Variants in SYN1 observed in about 807,000 individuals in gnomAD.
The protein encoded by SYN1 is synapsin-1.
SYN1 carries 8 observed loss-of-function variants against 44.6 expected under a neutral mutation model. The ratio of observed to expected loss-of-function variants is 0.18; its 90% CI spans 0.11 to 0.32. The LOEUF is 0.32. SYN1 is among the 10% of genes least tolerant of loss of function. The pLI is 1.00. For missense variants in SYN1, 451 were observed against 639.4 expected (o/e 0.71, Z 3.18); for synonymous variants, 275 against 280.1 (o/e 0.98, Z 0.18).
chrX:47,596,735 T>C lies in SYN1; in HGVS notation c.774+8243A>G, dbSNP rs764158960. Among the ~76,000 whole-genome samples, 3 of 111,862 alleles carry C rather than the reference T, an allele frequency of 2.7e-5. No individual in the cohort carries two copies. In the East Asian group the frequency reaches 8.4e-4, roughly 31 times the overall value. On this transcript the variant is annotated intron_variant, in intron 5 of 12. Transcript: ENST00000295987. ...AAAACAAAGCAATAAAAACAAATCC[T>C]GAGGAGGGGAGAGAACCTGATTCCC...
chrX:47,597,796 C>G (rs1342381052), intron 5 of SYN1, among the ~76,000 whole-genome samples: 1 of 111,756 alleles, frequency 8.9e-6, no homozygotes, highest in African/African-American at 3.3e-5. Context: ...AGAGAAGTAA[C>G]TCATCATATA....
chrX:47,581,690 G>A (rs184694054), intron 5 of SYN1, among the ~76,000 whole-genome samples: 6 of 111,983 alleles, frequency 5.4e-5, no homozygotes, highest in Admixed American at 1.9e-4. Context: ...AATAAGAACC[G>A]GTACCCATCT....
chrX:47,574,621 G>A lies in SYN1; in HGVS notation c.1394-31C>T, dbSNP rs1330489695. On this transcript the variant is annotated intron_variant, in intron 11 of 12. Coordinates refer to ENST00000295987, the MANE Select transcript of SYN1 (RefSeq NM_006950.3). ...GGACAGAGGGAGAGAAAGAGCACAC[G>A]TGAGAGTGAGCGGGTAAGAGATGGC... 3.6e-6 allele frequency: 4 copies of A among 1,116,764 alleles called. No individual in the cohort carries two copies. In the African/African-American group the frequency reaches 5.5e-5, roughly 15 times the overall value. The allele number at this position is 1,116,764 out of a possible 1,213,427, so 92.0% of individuals were successfully genotyped here. A position where few individuals can be genotyped will look rare whatever the true frequency, so the allele number is the denominator to read the frequency against.
At position 47,573,082 on chromosome X, in the gene SYN1, G is replaced by GCCCAGC. The variant is rs2057765115; in HGVS notation, c.1983-89_1983-84dup. ...GGAGAGAAACACAACGTTACCCCAGGCCCAGCCCCAGCCCTGCCCCTCTGA... is the reference window on the plus strand; with the variant it reads ...GGAGAGAAACACAACGTTACCCCAGGCCCAGCCCCAGCCCCAGCCCTGCCCCTCTGA... On this transcript the variant is annotated intron_variant, in intron 12 of 12. Transcript: ENST00000295987. The GCCCAGC allele has an allele frequency of 2.7e-6, 3 of 1,128,237 alleles. No individual in the cohort carries two copies. In the Admixed American group the frequency reaches 7.0e-5, roughly 26 times the overall value. The allele number at this position is 1,128,237 out of a possible 1,213,427, so 93.0% of individuals were successfully genotyped here.
chrX:47,586,313 T>C, intron 5 of SYN1: 1 of 754,309 alleles, frequency 1.3e-6, no homozygotes, highest in Non-Finnish European at 1.6e-6. Flanking sequence ...CAGCCACCAT[T>C]CCAGGACACT....
intron 1 of SYN1, among the ~76,000 whole-genome samples, chrX:47,612,959 C>T (rs1173706662): frequency 9.1e-6 from 1 of 109,395 alleles, no homozygotes; most frequent in African/African-American, 3.3e-5. Context: ...GTGGTGAAAC[C>T]CCATCTCTAC....
rs189155662 is a variant in SYN1, at chrX:47,613,916, G to T, written c.377+5436C>A. Reference sequence around the variant, plus strand: ...TGTTCCTAACAGGTAGAATACACCGGTTTGGGGACACAGAGGTTAGGAAGG... The same window carrying T: ...TGTTCCTAACAGGTAGAATACACCGTTTTGGGGACACAGAGGTTAGGAAGG... On this transcript the variant is annotated intron_variant, in intron 1 of 12. Coordinates refer to ENST00000295987, the MANE Select transcript of SYN1 (RefSeq NM_006950.3). 4.5e-5 allele frequency among the ~76,000 whole-genome samples: 5 copies of T among 111,842 alleles called. No individual in the cohort carries two copies. In the East Asian group the frequency reaches 1.4e-3, roughly 31 times the overall value.
intron 10 of SYN1, 69 bp downstream of exon 10, chrX:47,575,059 G>A (rs989026790): frequency 6.1e-6 from 7 of 1,140,149 alleles, no homozygotes; most frequent in Middle Eastern, 3.2e-4. Flanking sequence ...CAGCTTCATG[G>A]CACAGCATGA....
chrX:47,602,059 C>T (rs1388786630), intron 5 of SYN1, among the ~76,000 whole-genome samples: 1 of 112,501 alleles, frequency 8.9e-6, no homozygotes, highest in Non-Finnish European at 1.9e-5. Context: ...AATTTGTCAA[C>T]ACTGAGGTAG....
At chrX:47,584,900 A>G in intron 5 of SYN1, 1 of 1,124,282 alleles carries the variant, frequency 8.9e-7, no homozygotes, top group East Asian at 3.0e-5. Flanking sequence ...TGGCTCATGC[A>G]GTCCATTTGA....
At chrX:47,590,992 A>G (rs1234128826) in intron 5 of SYN1, among the ~76,000 whole-genome samples, 4 of 112,257 alleles carry the variant, frequency 3.6e-5, no homozygotes, top group African/African-American at 1.3e-4. Context: ...TCCTGGGCTC[A>G]AGTGATCCTC....
At chrX:47,611,716 A>G (rs748823517) in intron 1 of SYN1, among the ~76,000 whole-genome samples, 1 of 111,744 alleles carries the variant, frequency 8.9e-6, no homozygotes, top group South Asian at 3.7e-4. Flanking sequence ...CAAGATGAGC[A>G]AGAGAGGGTG....
At chrX:47,608,886 G>GACACAC (rs34092010) in intron 1 of SYN1, among the ~76,000 whole-genome samples, 1,666 of 89,478 alleles carry the variant, frequency 0.019, 23 homozygotes, top group Middle Eastern at 0.084. Flanking sequence ...GTCTTGGACA[G>GACACAC]ACACACACAC....
chrX:47,617,402 A>G lies in SYN1; in HGVS notation c.377+1950T>C, dbSNP rs1370141200. 1.3e-4 allele frequency among the ~76,000 whole-genome samples: 14 copies of G among 111,513 alleles called. No homozygotes were observed. In the Admixed American group the frequency reaches 1.3e-3, roughly 11 times the overall value. On this transcript the variant is annotated intron_variant, in intron 1 of 12. Transcript: ENST00000295987. ...AGTAAAACTATTAAGTAAATAGTAA[A>G]TTTAGTAAATTTACTAAATTTATTT...
At chrX:47,577,211 C>T (rs973566242) in intron 6 of SYN1, among the ~76,000 whole-genome samples, 3 of 110,488 alleles carry the variant, frequency 2.7e-5, no homozygotes, top group Non-Finnish European at 3.8e-5. Context: ...TGGCTGAATG[C>T]AGGAGGAAAA....
intron 5 of SYN1, among the ~76,000 whole-genome samples, chrX:47,603,013 A>AT (rs748280557): frequency 9.1e-6 from 1 of 110,391 alleles, no homozygotes; most frequent in African/African-American, 3.3e-5. Context: ...AATATTAGTG[A>AT]TTTTTTTTAT....
chrX:47,575,795 A>G (rs971630667), intron 9 of SYN1, among the ~76,000 whole-genome samples: 6 of 111,645 alleles, frequency 5.4e-5, no homozygotes, highest in Admixed American at 2.8e-4. Context: ...ACGGTTTTCT[A>G]GGTGCTTTGT....
Position 47,619,639 on chromosome X carries a change from C to T in SYN1, c.90G>A (p.Pro30=). The part of the protein sequence containing the change: ...GYMTDLQRPQ[P]PPPPPGAHSP... The stretch of plus-strand genomic sequence containing the variant: ...TGTGGGCACCGGGCGGCGGTGGGGG[C>T]GGCTGCGGACGCTGCAGGTCTGTCA... Residue 30 remains proline, a synonymous_variant, in exon 1 of 13, where the codon CCG becomes CCA. Transcript: ENST00000295987. 2 of 1,159,318 alleles carry T rather than the reference C, an allele frequency of 1.7e-6. No homozygotes were observed. Among genetic ancestry groups the T allele is most frequent in the Non-Finnish European group, 2.3e-6 (2 of 868,661 alleles).
intron 12 of SYN1, 40 bp from the exon 13 acceptor site, chrX:47,573,039 AG>A: frequency 8.3e-7 from 1 of 1,203,361 alleles, no homozygotes; most frequent in Non-Finnish European, 1.1e-6. Context: ...GGAAGGGGGA[AG>A]AGGAAGGGGA....
Sources: gnomAD v4.1 joint callset for allele counts (sites outside exome capture counted in the v4.1 genomes callset) on GRCh38, gnomAD v4.1.1 for gene constraint, MANE v1.5 for transcripts, NCBI Gene and HGNC (gene_info 2026-07-23, HGNC 2026-07-21) for gene names.